Variants in FER observed in about 807,000 individuals in gnomAD.
The protein encoded by FER is FER tyrosine kinase.
A neutral mutation model predicts 111.0 loss-of-function variants in FER; 63 were observed. The ratio of observed to expected loss-of-function variants is 0.57; its 90% CI spans 0.46 to 0.70. FER has a LOEUF of 0.70. FER is among the 30% of genes least tolerant of loss of function. The probability of loss-of-function intolerance (pLI) is 0.00; values close to 1 mark genes in which losing one functional copy is unlikely to be tolerated. For missense variants in FER, 914 were observed against 954.0 expected (o/e 0.96, Z 0.55); for synonymous variants, 327 against 313.9 (o/e 1.04, Z -0.44).
intron 5 of FER, among the ~76,000 whole-genome samples, chr5:108,851,961 A>C (rs1762583147): frequency 6.6e-6 from 1 of 152,230 alleles, no homozygotes; most frequent in South Asian, 2.1e-4. Context: ...TGCCCATGTC[A>C]GTCAGTCTAG....
chr5:108,956,208 C>G (rs1183961444), intron 12 of FER, among the ~76,000 whole-genome samples: 1 of 151,326 alleles, frequency 6.6e-6, no homozygotes, highest in Non-Finnish European at 1.5e-5. Flanking sequence ...TTTGTATATG[C>G]CTTTAAGTTA....
chr5:109,034,475 G>T (rs1240069018), intron 13 of FER, among the ~76,000 whole-genome samples: 1 of 151,806 alleles, frequency 6.6e-6, no homozygotes, highest in African/African-American at 2.4e-5. Context: ...TCTGCTTGCA[G>T]GCCCTGAACT....
intron 17 of FER, among the ~76,000 whole-genome samples, chr5:109,156,084 T>C (rs1301123081): frequency 6.6e-6 from 1 of 152,046 alleles, no homozygotes; most frequent in African/African-American, 2.4e-5. Flanking sequence ...CTTTTTAAAA[T>C]TATAATCTGT....
intron 16 of FER, among the ~76,000 whole-genome samples, chr5:109,076,225 C>G (rs1776323588): frequency 6.6e-6 from 1 of 152,124 alleles, no homozygotes; most frequent in East Asian, 1.9e-4. Flanking sequence ...AAGTTATCTT[C>G]TATCATGTAA....
chr5:109,128,224 TAC>T (rs931337310), intron 17 of FER, among the ~76,000 whole-genome samples: 6 of 151,990 alleles, frequency 3.9e-5, no homozygotes, highest in African/African-American at 1.4e-4. Context: ...TTGTGAGATA[TAC>T]AAGTTTTTTT....
chr5:108,929,328 G>C (rs955843870), intron 10 of FER, among the ~76,000 whole-genome samples: 3 of 152,110 alleles, frequency 2.0e-5, no homozygotes, highest in African/African-American at 7.2e-5. Context: ...ATGTGTTACT[G>C]CTAATCCATT....
At chr5:109,025,217 G>C (rs1414643682) in intron 13 of FER, among the ~76,000 whole-genome samples, 2 of 151,940 alleles carry the variant, frequency 1.3e-5, no homozygotes, top group African/African-American at 4.8e-5. Context: ...GGGCAGTATG[G>C]CCATTTTCAT....
chr5:108,881,044 C>A (rs1411933884), intron 8 of FER, among the ~76,000 whole-genome samples: 6 of 152,142 alleles, frequency 3.9e-5, no homozygotes, highest in African/African-American at 1.4e-4. Context: ...TGAAAGACTT[C>A]TTTGGACTTA....
chr5:108,784,733 G>A (rs1270670229), intron 2 of FER, among the ~76,000 whole-genome samples: 2 of 152,164 alleles, frequency 1.3e-5, no homozygotes, highest in Non-Finnish European at 2.9e-5. Flanking sequence ...ACAAAGGGAT[G>A]GGCTGAAACA....
At chr5:108,763,070 A>T (rs1179781895) in intron 1 of FER, among the ~76,000 whole-genome samples, 1 of 152,118 alleles carries the variant, frequency 6.6e-6, no homozygotes, top group East Asian at 1.9e-4. Context: ...GAAGGCAAGA[A>T]TTTTTACCTG....
At chr5:108,816,404 T>C (rs1214947726) in intron 3 of FER, among the ~76,000 whole-genome samples, 1 of 152,238 alleles carries the variant, frequency 6.6e-6, no homozygotes, top group Non-Finnish European at 1.5e-5. Flanking sequence ...CTTTACAGAA[T>C]TCGCAAGTTG....
intron 13 of FER, among the ~76,000 whole-genome samples, chr5:109,035,965 C>G (rs1439670824): frequency 6.6e-6 from 1 of 152,122 alleles, no homozygotes; most frequent in Non-Finnish European, 1.5e-5. Flanking sequence ...ATCATCTTTT[C>G]TGAACTTGTT....
At chr5:108,877,566 C>G (rs1264310302) in intron 8 of FER, among the ~76,000 whole-genome samples, 1 of 152,122 alleles carries the variant, frequency 6.6e-6, no homozygotes, top group African/African-American at 2.4e-5. Context: ...TATGCTCTTG[C>G]AATTATATTT....
chr5:108,975,375 A>G (rs997746913), intron 13 of FER, among the ~76,000 whole-genome samples: 4 of 152,194 alleles, frequency 2.6e-5, no homozygotes, highest in African/African-American at 9.7e-5. Context: ...TATGTAACAA[A>G]CATGCATGTT....
At chr5:109,099,295 A>G (rs1487631234) in intron 16 of FER, among the ~76,000 whole-genome samples, 1 of 151,620 alleles carries the variant, frequency 6.6e-6, no homozygotes, top group East Asian at 1.9e-4. Context: ...CACTGACCAT[A>G]TGAGGCTCTT....
chr5:109,018,377 A>G (rs565883314), intron 13 of FER, among the ~76,000 whole-genome samples: 140 of 152,004 alleles, frequency 9.2e-4, no homozygotes, highest in Non-Finnish European at 1.7e-3. Context: ...TGGCTTTAAG[A>G]TGAAGTTAAA....
rs1276289392 is a variant in FER at position 108,839,238 on chromosome 5, C to A, written c.481+3431C>A. Among the ~76,000 whole-genome samples, 4 of 152,174 alleles carry A rather than the reference C, an allele frequency of 2.6e-5. No individual in the cohort carries two copies. In the South Asian group the frequency reaches 8.3e-4, roughly 32 times the overall value. ...GTTCCTTCAGAATAAGTAAGAAGAG[C>A]TGACCAAGAAGAAAGAACAATGGGT... On this transcript the variant is annotated intron_variant, in intron 5 of 19. Transcript: ENST00000281092.
rs936776647 is a variant in FER, at chr5:109,069,302, G to C, written c.1924+22104G>C. Among the ~76,000 whole-genome samples the C allele has an allele frequency of 1.7e-4, 26 of 152,306 alleles. 2 individuals carry two copies. Among genetic ancestry groups the C allele is most frequent in the Admixed American group, 1.5e-3 (23 of 15,300 alleles). ...GTAATAGGCAAGAGTTTGGAAGGCA[G>C]TTTGGCTAAGCAAAATCACAAGCTC... On this transcript the variant is annotated intron_variant, in intron 16 of 19. Transcript: ENST00000281092.
intron 2 of FER, among the ~76,000 whole-genome samples, chr5:108,789,305 T>G (rs1755088528): frequency 6.6e-6 from 1 of 152,348 alleles, no homozygotes; most frequent in Admixed American, 6.5e-5. Flanking sequence ...TAAATTGGCA[T>G]GCCATCTCCC....
Sources: gnomAD v4.1 joint callset for allele counts (sites outside exome capture counted in the v4.1 genomes callset) on GRCh38, gnomAD v4.1.1 for gene constraint, MANE v1.5 for transcripts, NCBI Gene and HGNC (gene_info 2026-07-23, HGNC 2026-07-21) for gene names.